The following IFT88 variants were observed in gnomAD, a reference collection of about 807,000 sequenced individuals.
IFT88 encodes intraflagellar transport 88.
IFT88 carries 74 observed loss-of-function variants against 119.5 expected under a neutral mutation model. The ratio of observed to expected loss-of-function variants is 0.62; its 90% confidence interval spans 0.51 to 0.75. The LOEUF (loss-of-function observed/expected upper bound fraction) is 0.75. Among genes scored for constraint, IFT88 ranks in the 30% least tolerant of loss-of-function variants. The pLI is 0.00. For missense variants in IFT88, 961 were observed against 977.7 expected, an observed-to-expected ratio of 0.98 and a Z score of 0.23; for synonymous variants, 279 against 316.7, an observed-to-expected ratio of 0.88 and a Z score of 1.26.
intron 13 of IFT88, chr13:20,607,300 C>A: frequency 4.4e-6 from 2 of 450,896 alleles, no homozygotes; most frequent in Non-Finnish European, 8.9e-6. Context: ...CACTCACCTT[C>A]GGCAAGTACT....
At chr13:20,612,149 A>C (rs546659470) in intron 13 of IFT88, 1 of 149,034 alleles carries the variant, frequency 6.7e-6, no homozygotes. Context: ...AGTGTAGTGC[A>C]GAAATATATT....
intron 16 of IFT88, among the ~76,000 whole-genome samples, chr13:20,634,628 G>T (rs1368394683): frequency 1.3e-5 from 2 of 152,026 alleles, no homozygotes; most frequent in Non-Finnish European, 2.9e-5. Flanking sequence ...TCGGGAGGCT[G>T]AGGCATGAGA....
chr13:20,615,931 A>AAAAG, intron 14 of IFT88, 52 bp downstream of exon 14: 2 of 970,440 alleles, frequency 2.1e-6, no homozygotes, highest in Non-Finnish European at 3.0e-6. Context: ...TTCATAATTT[A>AAAAG]TACTTTTAAA....
At chr13:20,663,639 A>G (rs777889123) in intron 23 of IFT88, 35 bp downstream of exon 23, 1 of 1,416,040 alleles carries the variant, frequency 7.1e-7, no homozygotes. Context: ...CAGTCTGTTA[A>G]TTTTTAGAAT....
chr13:20,592,733 G>T (rs192342080), intron 7 of IFT88, among the ~76,000 whole-genome samples: 8 of 150,550 alleles, frequency 5.3e-5, no homozygotes, highest in Non-Finnish European at 1.0e-4. Flanking sequence ...GCCTCCCAAA[G>T]TGTTGGCATT....
chr13:20,688,026 G>GT (rs2058122642), intron 24 of IFT88, among the ~76,000 whole-genome samples: 1 of 152,198 alleles, frequency 6.6e-6, no homozygotes, highest in Non-Finnish European at 1.5e-5. Context: ...AATACTCTGA[G>GT]TAGGCCAAGT....
chr13:20,623,561 G>A (rs1195949472), intron 14 of IFT88, among the ~76,000 whole-genome samples: 5 of 151,992 alleles, frequency 3.3e-5, no homozygotes, highest in African/African-American at 7.3e-5. Flanking sequence ...TGCAAGCTCC[G>A]CCTCCCGGGT....
intron 1 of IFT88, chr13:20,567,742 CG>C (rs2035184849): frequency 4.6e-6 from 6 of 1,307,478 alleles, no homozygotes; most frequent in Non-Finnish European, 5.9e-6. Context: ...ATGCAGAAAG[CG>C]GTACTTAGCC....
chr13:20,633,401 C>T (rs1010017316), intron 16 of IFT88, among the ~76,000 whole-genome samples: 6 of 152,268 alleles, frequency 3.9e-5, no homozygotes, highest in African/African-American at 1.4e-4. Flanking sequence ...AAAAGGGTCA[C>T]CTCTAGGAAG....
At chr13:20,659,672 C>A (rs1327852643) in intron 22 of IFT88, among the ~76,000 whole-genome samples, 1 of 147,698 alleles carries the variant, frequency 6.8e-6, no homozygotes, top group Non-Finnish European at 1.5e-5. Flanking sequence ...GAGACACAGT[C>A]TCACTCTGTC....
chr13:20,607,924 T>C, intron 13 of IFT88: 1 of 665,850 alleles, frequency 1.5e-6, no homozygotes, highest in Non-Finnish European at 2.9e-6. Flanking sequence ...GGTCTTCCTC[T>C]ACAAGACCAA....
In IFT88 at chr13:20,601,712, A is replaced by T; in HGVS notation, c.820A>T (p.Ile274Leu). ...PSVNKQMRIK[I>L]MQNIGVTFIQ... is the part of the protein sequence containing the mutation. The stretch of plus-strand genomic sequence containing the variant: ...CATGTCTTTTTCTTTTAGGATTAAA[A>T]TAATGCAGAATATTGGAGTTACATT... The change falls in exon 12 of 26, where the codon ATA becomes TTA. Residue 274 changes from isoleucine (I) to leucine (L), a missense_variant. Coordinates refer to ENST00000351808, the MANE Select transcript of IFT88 (RefSeq NM_006531.5). 2 of 1,594,760 alleles carry T rather than the reference A, an allele frequency of 1.3e-6. No individual in the cohort carries two copies. Among genetic ancestry groups the T allele is most frequent in the Non-Finnish European group, 1.7e-6 (2 of 1,164,524 alleles).
chr13:20,595,760 C>T (rs2041532252), intron 7 of IFT88, among the ~76,000 whole-genome samples: 1 of 151,944 alleles, frequency 6.6e-6, no homozygotes. Context: ...GTAAATTAGG[C>T]TGGGTGTTGT....
chr13:20,651,871 A>G (rs2051786034), intron 20 of IFT88, among the ~76,000 whole-genome samples: 1 of 152,220 alleles, frequency 6.6e-6, no homozygotes. Context: ...ACCACAGTAT[A>G]TAAATAAAAT....
At chr13:20,578,566 T>A (rs1186857234) in intron 2 of IFT88, among the ~76,000 whole-genome samples, 2 of 152,030 alleles carry the variant, frequency 1.3e-5, no homozygotes, top group Non-Finnish European at 2.9e-5. Context: ...TGTTGTTGTT[T>A]GAGACAGAGT....
chr13:20,623,623 C>G (rs1300201567), intron 14 of IFT88, among the ~76,000 whole-genome samples: 1 of 152,086 alleles, frequency 6.6e-6, no homozygotes, highest in African/African-American at 2.4e-5. Context: ...TACGGGCACC[C>G]ACCACCATGC....
intron 5 of IFT88, 106 bp from the exon 6 acceptor site, chr13:20,591,512 T>A: frequency 1.4e-6 from 1 of 719,936 alleles, no homozygotes; most frequent in Non-Finnish European, 2.3e-6. Flanking sequence ...TGATTGAAAA[T>A]CAGCATTTTT....
At chr13:20,611,176 C>A in intron 13 of IFT88, among the ~76,000 whole-genome samples, 1 of 151,386 alleles carries the variant, frequency 6.6e-6, no homozygotes. Flanking sequence ...TCAGTAGAAA[C>A]CAGGAAAATT....
chr13:20,691,289 AG>A lies in IFT88; in HGVS notation c.*115del. 4.1e-6 allele frequency: 4 copies of A among 979,892 alleles called. No homozygotes were observed. The South Asian group carries it at 7.6e-5, about 19-fold the overall frequency. The allele number at this position is 979,892 out of a possible 1,614,324, so 60.7% of individuals were successfully genotyped here. The stretch of plus-strand genomic sequence containing the variant: ...TATTTTTTTTCACTGTCAAAACTTA[AG>A]TAAGTGTATTCTATTCTGTATGTAT... On this transcript the variant is annotated 3_prime_UTR_variant, in exon 26 of 26. Transcript: ENST00000351808.
Sources: allele counts gnomAD v4.1 joint callset (sites outside exome capture counted in the v4.1 genomes callset), GRCh38; gene constraint gnomAD v4.1.1; transcripts MANE v1.5; gene names NCBI Gene and HGNC (gene_info 2026-07-23, HGNC 2026-07-21).